TENM2: variants seen among roughly 807,000 people sequenced by gnomAD.
The protein encoded by TENM2 is teneurin-2.
A neutral mutation model predicts 245.2 loss-of-function variants in TENM2; 52 were observed. The observed-to-expected ratio is 0.21, with a 90% CI of 0.17 to 0.27. The LOEUF (loss-of-function observed/expected upper bound fraction) is 0.27, where lower values mean the gene tolerates loss of function less well. Among genes scored for constraint, TENM2 ranks in the 10% least tolerant of loss-of-function variants. TENM2 has a pLI of 1.00. For synonymous variants in TENM2, 1,363 were observed against 1,438.9 expected (o/e 0.95, Z 1.19); for missense variants, 3,046 against 3,666.8 (o/e 0.83, Z 4.37).
chr5:167,802,326 T>C (rs1765843600), intron 2 of TENM2, among the ~76,000 whole-genome samples: 1 of 152,088 alleles, frequency 6.6e-6, no homozygotes, highest in Non-Finnish European at 1.5e-5. Context: ...TAAAAACTAA[T>C]CATATTTTCT....
chr5:167,720,250 G>A (rs1759538709), intron 2 of TENM2, among the ~76,000 whole-genome samples: 1 of 151,904 alleles, frequency 6.6e-6, no homozygotes, highest in South Asian at 2.1e-4. Context: ...AAAAAGAGTA[G>A]ACATATTTGA....
chr5:167,215,177 C>T, the TENM2 span, among the ~76,000 whole-genome samples: 1 of 151,942 alleles, frequency 6.6e-6, no homozygotes, highest in East Asian at 1.9e-4. Flanking sequence ...GAGCTTGCTC[C>T]CTCTGAACTT....
the TENM2 span, among the ~76,000 whole-genome samples, chr5:167,273,122 C>T: frequency 1.3e-5 from 2 of 152,266 alleles, no homozygotes; most frequent in South Asian, 4.1e-4. Context: ...AGTGTTACAG[C>T]TCATAGGATT....
chr5:167,591,954 A>G (rs541946442), intron 2 of TENM2, among the ~76,000 whole-genome samples: 1 of 152,338 alleles, frequency 6.6e-6, no homozygotes, highest in African/African-American at 2.4e-5. Context: ...AAGCATCAAA[A>G]TAAAATAGGA....
At chr5:167,866,234 C>G (rs752310154) in intron 2 of TENM2, among the ~76,000 whole-genome samples, 1 of 152,200 alleles carries the variant, frequency 6.6e-6, no homozygotes, top group Non-Finnish European at 1.5e-5. Flanking sequence ...CGTGGTGGCT[C>G]ACGCCTGTAA....
intron 2 of TENM2, among the ~76,000 whole-genome samples, chr5:167,701,789 G>T (rs138693934): frequency 6.5e-4 from 99 of 152,298 alleles, no homozygotes; most frequent in Non-Finnish European, 9.0e-4. Context: ...GAAAGGATCT[G>T]CCTGCATTGC....
intron 1 of TENM2, among the ~76,000 whole-genome samples, chr5:167,347,748 C>T (rs1758559101): frequency 2.6e-5 from 4 of 152,018 alleles, no homozygotes; most frequent in South Asian, 2.1e-4. Flanking sequence ...CCTGTCCTAT[C>T]AATCTATTTA....
At chr5:167,321,800 T>TTTTTTTTTTG (rs1467480814) in intron 1 of TENM2, among the ~76,000 whole-genome samples, 3 of 12,178 alleles carry the variant, frequency 2.5e-4, no homozygotes, top group Admixed American at 9.0e-4. Context: ...TTTTTTTTTT[T>TTTTTTTTTTG]TGGGGGGGGG....
intron 2 of TENM2, 43 bp from the exon 5 acceptor site, chr5:167,875,943 G>T: frequency 7.2e-7 from 1 of 1,384,542 alleles, no homozygotes; most frequent in Non-Finnish European, 1.0e-6. Context: ...GTGCTCTCGT[G>T]ACACTCATTG....
At chr5:167,164,332 A>T in the TENM2 span, among the ~76,000 whole-genome samples, 1 of 152,234 alleles carries the variant, frequency 6.6e-6, no homozygotes, top group Non-Finnish European at 1.5e-5. Flanking sequence ...CTGTAAGCAC[A>T]TGAGAGATTA....
chr5:168,076,856 G>C (rs932592710), intron 7 of TENM2, among the ~76,000 whole-genome samples: 6 of 152,158 alleles, frequency 3.9e-5, no homozygotes, highest in African/African-American at 1.4e-4. Flanking sequence ...GAGGTTGACT[G>C]TACCCTGTGG....
At chr5:167,472,232 G>C (rs1407734768) in intron 2 of TENM2, among the ~76,000 whole-genome samples, 1 of 152,150 alleles carries the variant, frequency 6.6e-6, no homozygotes, top group East Asian at 1.9e-4. Flanking sequence ...AGTTGTGAGA[G>C]AGAACCTTAA....
chr5:167,905,518 G>A (rs1776024611), intron 3 of TENM2, among the ~76,000 whole-genome samples: 1 of 152,150 alleles, frequency 6.6e-6, no homozygotes, highest in Non-Finnish European at 1.5e-5. Context: ...CCACAGGAGG[G>A]GGCTAGGGGT....
the TENM2 span, among the ~76,000 whole-genome samples, chr5:167,097,448 G>T: frequency 9.9e-5 from 15 of 152,012 alleles, no homozygotes; most frequent in Non-Finnish European, 4.4e-5. Flanking sequence ...CTTTGCACCT[G>T]GAATGTAATT....
chr5:167,730,435 C>T (rs935502240), intron 2 of TENM2, among the ~76,000 whole-genome samples: 1 of 152,056 alleles, frequency 6.6e-6, no homozygotes, highest in African/African-American at 2.4e-5. Flanking sequence ...CTGTAAACAC[C>T]CGTTTTTGGT....
chr5:167,015,028 G>A, the TENM2 span, among the ~76,000 whole-genome samples: 3 of 152,276 alleles, frequency 2.0e-5, no homozygotes, highest in Admixed American at 1.3e-4. Flanking sequence ...AGCTCTAACA[G>A]AAGGCTTTCT....
the TENM2 span, among the ~76,000 whole-genome samples, chr5:167,036,350 C>T: frequency 5.9e-5 from 9 of 152,166 alleles, no homozygotes; most frequent in Admixed American, 5.2e-4. Flanking sequence ...GTGAGGACCA[C>T]GCTATTTCAG....
chr5:167,936,975 T>C (rs1561955688), intron 3 of TENM2, among the ~76,000 whole-genome samples: 2 of 152,186 alleles, frequency 1.3e-5, no homozygotes, highest in African/African-American at 2.4e-5. Flanking sequence ...CAATAGTCCA[T>C]CCTTTTCTTT....
At chr5:167,610,348 T>C (rs1454627229) in intron 2 of TENM2, among the ~76,000 whole-genome samples, 1 of 152,142 alleles carries the variant, frequency 6.6e-6, no homozygotes, top group Admixed American at 6.6e-5. Context: ...GATTACATCA[T>C]TGGCCATTGT....
Sources: gnomAD v4.1 joint callset for allele counts (sites outside exome capture counted in the v4.1 genomes callset) on GRCh38, gnomAD v4.1.1 for gene constraint, MANE v1.5 for transcripts, NCBI Gene and HGNC (gene_info 2026-07-23, HGNC 2026-07-21) for gene names.